DZIP3: variants seen among roughly 807,000 people sequenced by gnomAD.
The protein encoded by DZIP3 is DAZ interacting zinc finger protein 3.
DZIP3 carries 118 observed loss-of-function variants against 162.0 expected under a neutral mutation model. The observed-to-expected ratio is 0.73, with a 90% CI of 0.63 to 0.85. The LOEUF (loss-of-function observed/expected upper bound fraction) is 0.85, where lower values mean the gene tolerates loss of function less well. DZIP3 is among the 40% of genes least tolerant of loss of function. DZIP3 has a pLI of 0.00. For missense variants in DZIP3, 1,331 were observed against 1,407.0 expected, an observed-to-expected ratio of 0.95 and a Z score of 0.86; for synonymous variants, 438 against 458.6, an observed-to-expected ratio of 0.96 and a Z score of 0.57.
chr3:108,680,986 C>T (rs957117883), intron 26 of DZIP3, among the ~76,000 whole-genome samples: 1 of 152,114 alleles, frequency 6.6e-6, no homozygotes, highest in Non-Finnish European at 1.5e-5. Flanking sequence ...AGACCTAAAA[C>T]CCTAAAACCC....
chr3:108,682,677 A>G (rs867329980), intron 26 of DZIP3, among the ~76,000 whole-genome samples: 1 of 150,752 alleles, frequency 6.6e-6, no homozygotes, highest in African/African-American at 2.5e-5. Context: ...GAAAGGAAGG[A>G]TAAGTTCTGG....
rs1323781579 is a variant in DZIP3 at position 108,636,806 on chromosome 3, T to C, written c.1011+98T>C. Reference sequence around the variant, plus strand: ...AGACCTGGGGATCATCATAATTAGATTCCAGCCATATTGCCTTTAATGGTG... The same window carrying C: ...AGACCTGGGGATCATCATAATTAGACTCCAGCCATATTGCCTTTAATGGTG... On this transcript the variant is annotated intron_variant, in intron 11 of 32. Coordinates refer to ENST00000361582, the MANE Select transcript of DZIP3 (RefSeq NM_014648.4). 10 of 833,446 alleles carry C rather than the reference T, an allele frequency of 1.2e-5. No individual in the cohort carries two copies. The Admixed American group carries it at 2.7e-4, about 23-fold the overall frequency. The allele number at this position is 833,446 out of a possible 1,614,324, so 51.6% of individuals were successfully genotyped here. A position where few individuals can be genotyped will look rare whatever the true frequency, so the allele number is the denominator to read the frequency against.
chr3:108,648,152 T>G (rs1300945359), intron 16 of DZIP3, 40 bp downstream of exon 16: 1 of 1,534,662 alleles, frequency 6.5e-7, no homozygotes. Flanking sequence ...AAGAACTTAT[T>G]CTGGGCCTTT....
At chr3:108,645,558 A>G (rs1207829993) in intron 14 of DZIP3, among the ~76,000 whole-genome samples, 3 of 152,200 alleles carry the variant, frequency 2.0e-5, no homozygotes, top group Non-Finnish European at 4.4e-5. Flanking sequence ...TCTTTTGGAA[A>G]GCAGAGTTCA....
intron 25 of DZIP3, 109 bp downstream of exon 25, chr3:108,675,982 G>A: frequency 1.0e-6 from 1 of 982,306 alleles, no homozygotes; most frequent in Non-Finnish European, 1.5e-6. Context: ...TTCCATTTTA[G>A]TTATAAAAGT....
At chr3:108,642,617 G>T in intron 13 of DZIP3, 103 bp downstream of exon 13, 1 of 1,240,382 alleles carries the variant, frequency 8.1e-7, no homozygotes, top group Non-Finnish European at 1.1e-6. Context: ...TACTGTGTTT[G>T]TCATTCACTG....
intron 3 of DZIP3, among the ~76,000 whole-genome samples, chr3:108,610,464 G>A (rs759550448): frequency 1.3e-5 from 2 of 152,176 alleles, no homozygotes; most frequent in Non-Finnish European, 2.9e-5. Context: ...CTCCAGGTCT[G>A]TTAGAGAACT....
At chr3:108,618,432 C>A (rs532701709) in intron 5 of DZIP3, among the ~76,000 whole-genome samples, 93 of 152,166 alleles carry the variant, frequency 6.1e-4, no homozygotes, top group Admixed American at 1.0e-3. Context: ...AAAAATTAGC[C>A]CTTTTACTGT....
chr3:108,631,055 A>ACATACACACACACACACACATACACT, intron 8 of DZIP3, among the ~76,000 whole-genome samples: 1 of 18,006 alleles, frequency 5.6e-5, no homozygotes, highest in Admixed American at 8.5e-4. Context: ...ACACACACAC[A>ACATACACACACACACACACATACACT]CTCTCTCTCT....
intron 16 of DZIP3, 66 bp from the exon 17 acceptor site, chr3:108,648,852 A>G: frequency 1.2e-6 from 1 of 866,960 alleles, no homozygotes. Flanking sequence ...GAGGAAATAT[A>G]TTTTGCAAAA....
chr3:108,624,498 G>C lies in DZIP3; in HGVS notation c.430G>C (p.Ala144Pro). 6.3e-7 allele frequency: 1 copy of C among 1,591,166 alleles called. No individual in the cohort carries two copies. Residue 144 changes from alanine to proline, a missense_variant, in exon 6 of 33, where the codon GCA becomes CCA. By Grantham distance (27) the Ala-to-Pro change is conservative. This residue lies in a region of DZIP3 where 1,278 missense variants were observed against 1,317.1 expected (regional missense o/e 0.97). Coordinates refer to ENST00000361582, the MANE Select transcript of DZIP3 (RefSeq NM_014648.4). ...YLTLLFLYGV[A>P]LTERGKKEDY... ...GACATTACTGTTTTTATATGGAGTAGCACTCACTGAAAGAGGAAAGAAAGA... is the reference window on the plus strand; with the variant it reads ...GACATTACTGTTTTTATATGGAGTACCACTCACTGAAAGAGGAAAGAAAGA...
rs1187719531 is a variant in DZIP3, at chr3:108,620,600, T to C, written c.376-3844T>C. 3.3e-5 allele frequency among the ~76,000 whole-genome samples: 5 copies of C among 152,334 alleles called. No homozygotes were observed. The East Asian group carries it at 5.8e-4, about 18-fold the overall frequency. ...TCCACCACCACAAAAATCTCTCTTATGACTTTTATGGTCACACCCACCTCT... is the reference window on the plus strand; with the variant it reads ...TCCACCACCACAAAAATCTCTCTTACGACTTTTATGGTCACACCCACCTCT... On this transcript the variant is annotated intron_variant, in intron 5 of 32. Transcript: ENST00000361582.
intron 5 of DZIP3, among the ~76,000 whole-genome samples, chr3:108,619,146 G>A (rs891305879): frequency 3.3e-5 from 5 of 150,940 alleles, no homozygotes; most frequent in East Asian, 1.9e-4. Context: ...CTTGTTTATG[G>A]TATGGGGAAA....
chr3:108,683,625 TAATACCCAC>T (rs1212732699), intron 26 of DZIP3, among the ~76,000 whole-genome samples: 2 of 152,148 alleles, frequency 1.3e-5, no homozygotes, highest in Non-Finnish European at 2.9e-5. Context: ...GGAAGTACGG[TAATACCCAC>T]AAGCATATCT....
At chr3:108,651,941 T>G (rs1576418211) in intron 18 of DZIP3, among the ~76,000 whole-genome samples, 2 of 151,862 alleles carry the variant, frequency 1.3e-5, no homozygotes, top group East Asian at 3.8e-4. Flanking sequence ...CACTTGTAGT[T>G]GATATTTTCA....
chr3:108,626,104 G>A, intron 7 of DZIP3, 135 bp downstream of exon 7: 1 of 1,022,318 alleles, frequency 9.8e-7, no homozygotes, highest in Non-Finnish European at 1.4e-6. Flanking sequence ...TTGCCTATTT[G>A]TATAGATAAT....
chr3:108,621,073 G>A (rs142237149), intron 5 of DZIP3, among the ~76,000 whole-genome samples: 3,510 of 152,138 alleles, frequency 0.023, 60 homozygotes, highest in African/African-American at 0.048. Flanking sequence ...TGCCTGCCTC[G>A]GCCTCCCAAA....
At chr3:108,683,842 A>C (rs1020222863) in intron 26 of DZIP3, among the ~76,000 whole-genome samples, 12 of 152,174 alleles carry the variant, frequency 7.9e-5, no homozygotes, top group African/African-American at 2.7e-4. Context: ...CTTCCTGAGA[A>C]TCTCCTTTGC....
chr3:108,614,664 A>G (rs1940905487), intron 4 of DZIP3, among the ~76,000 whole-genome samples: 1 of 152,114 alleles, frequency 6.6e-6, no homozygotes, highest in African/African-American at 2.4e-5. Context: ...TTCTCATGGC[A>G]GCTCAGAAGA....
Sources: allele counts gnomAD v4.1 joint callset (sites outside exome capture counted in the v4.1 genomes callset), GRCh38; gene constraint gnomAD v4.1.1; regional missense constraint gnomAD v4.1.1; transcripts MANE v1.5; gene names NCBI Gene and HGNC (gene_info 2026-07-23, HGNC 2026-07-21).